Variants in CSTPP1 observed in about 807,000 individuals in gnomAD.
CSTPP1 encodes UPF0705 protein C11orf49.
the CSTPP1 span, among the ~76,000 whole-genome samples, chr11:46,955,476 G>A: frequency 6.7e-6 from 1 of 150,058 alleles, no homozygotes; most frequent in Non-Finnish European, 1.5e-5. Context: ...CGATTCCCCC[G>A]CCTCAGCCTC....
At chr11:46,950,341 T>C in the CSTPP1 span, among the ~76,000 whole-genome samples, 2 of 151,258 alleles carry the variant, frequency 1.3e-5, no homozygotes, top group South Asian at 4.2e-4. Context: ...GCCCAGCTAA[T>C]TTTTTGTATT....
the CSTPP1 span, among the ~76,000 whole-genome samples, chr11:47,033,835 C>T: frequency 2.0e-5 from 3 of 152,066 alleles, no homozygotes; most frequent in African/African-American, 7.2e-5. Context: ...TCCTTATAAC[C>T]CCCTGACTTA....
At chr11:47,157,129 T>A in the CSTPP1 span, 1 of 1,614,078 alleles carries the variant, frequency 6.2e-7, no homozygotes, top group Non-Finnish European at 8.5e-7. Context: ...GCCAACGACC[T>A]GCCTTGGGCG....
chr11:47,160,523 A>C, the CSTPP1 span: 1 of 153,176 alleles, frequency 6.5e-6, no homozygotes, highest in African/African-American at 2.4e-5. Flanking sequence ...AGAGGGTTCT[A>C]TGAGATGTAC....
At chr11:47,086,232 TCCAAAAAAAAAAA>T in the CSTPP1 span, among the ~76,000 whole-genome samples, 1 of 31,768 alleles carries the variant, frequency 3.1e-5, no homozygotes, top group Non-Finnish European at 6.7e-5. Flanking sequence ...CTACTAAAAA[TCCAAAAAAAAAAA>T]AAAAAAAAAA....
the CSTPP1 span, among the ~76,000 whole-genome samples, chr11:47,001,343 A>T: frequency 2.6e-5 from 4 of 152,204 alleles, no homozygotes; most frequent in Non-Finnish European, 5.9e-5. Context: ...CATAGTATAA[A>T]TATGGAGATG....
the CSTPP1 span, among the ~76,000 whole-genome samples, chr11:47,148,004 G>A: frequency 0.081 from 12,343 of 152,114 alleles, 509 homozygotes; most frequent in Non-Finnish European, 0.09. Flanking sequence ...CTGGAGGTGC[G>A]GGCTGGAGCT....
the CSTPP1 span, among the ~76,000 whole-genome samples, chr11:46,969,207 C>T: frequency 6.6e-6 from 1 of 152,156 alleles, no homozygotes; most frequent in Non-Finnish European, 1.5e-5. Flanking sequence ...TCTTTCTCTT[C>T]TGTCCTTATG....
At chr11:47,042,504 G>A in the CSTPP1 span, among the ~76,000 whole-genome samples, 3 of 151,968 alleles carry the variant, frequency 2.0e-5, no homozygotes, top group Non-Finnish European at 4.4e-5. Flanking sequence ...GTGAGTGAGA[G>A]TAAATGTAGC....
At chr11:47,160,938 G>C in the CSTPP1 span, 3 of 679,956 alleles carry the variant, frequency 4.4e-6, no homozygotes, top group South Asian at 5.7e-5. Flanking sequence ...TTCAATAAAT[G>C]TATCAAGCAA....
the CSTPP1 span, among the ~76,000 whole-genome samples, chr11:47,096,738 AATAAGT>A: frequency 6.6e-6 from 1 of 152,154 alleles, no homozygotes; most frequent in Non-Finnish European, 1.5e-5. Flanking sequence ...CATGAAAATT[AATAAGT>A]ATGTTTCTGA....
At chr11:47,152,330 G>A in the CSTPP1 span, among the ~76,000 whole-genome samples, 2 of 152,070 alleles carry the variant, frequency 1.3e-5, no homozygotes, top group African/African-American at 2.4e-5. Flanking sequence ...ACCCTCCCAC[G>A]GTGTGCGCCC....
At chr11:47,064,108 G>T in the CSTPP1 span, among the ~76,000 whole-genome samples, 1 of 152,050 alleles carries the variant, frequency 6.6e-6, no homozygotes, top group South Asian at 2.1e-4. Context: ...ATGCTTATTA[G>T]CCATTTTATA....
the CSTPP1 span, among the ~76,000 whole-genome samples, chr11:47,112,778 T>C: frequency 6.6e-6 from 1 of 152,224 alleles, no homozygotes; most frequent in Non-Finnish European, 1.5e-5. Context: ...ATCTATTAAG[T>C]CAGTGAACTT....
At chr11:47,027,263 C>T in the CSTPP1 span, among the ~76,000 whole-genome samples, 1 of 152,108 alleles carries the variant, frequency 6.6e-6, no homozygotes, top group Non-Finnish European at 1.5e-5. Flanking sequence ...TGCGAGTTTA[C>T]CATAGCATGC....
chr11:47,045,074 C>T, the CSTPP1 span, among the ~76,000 whole-genome samples: 1 of 152,174 alleles, frequency 6.6e-6, no homozygotes, highest in African/African-American at 2.4e-5. Context: ...GAATGATTAA[C>T]TCCAAAGGAA....
At chr11:47,103,189 G>A in the CSTPP1 span, among the ~76,000 whole-genome samples, 4 of 151,988 alleles carry the variant, frequency 2.6e-5, no homozygotes, top group Non-Finnish European at 4.4e-5. Flanking sequence ...CTTGAGCCCT[G>A]GAGTTCAAGA....
At chr11:47,124,114 C>CT in the CSTPP1 span, among the ~76,000 whole-genome samples, 37,859 of 61,640 alleles carry the variant, frequency 0.61, 16,962 homozygotes, top group Non-Finnish European at 0.63. Flanking sequence ...AATGGTCTTA[C>CT]TTTTTTTTTT....
At chr11:46,992,246 T>C in the CSTPP1 span, among the ~76,000 whole-genome samples, 4 of 151,988 alleles carry the variant, frequency 2.6e-5, no homozygotes, top group African/African-American at 9.7e-5. Flanking sequence ...TTTATTATTA[T>C]TTTTTATTAT....
Sources: allele counts gnomAD v4.1 joint callset (sites outside exome capture counted in the v4.1 genomes callset), GRCh38; gene constraint gnomAD v4.1.1; transcripts MANE v1.5; gene names NCBI Gene and HGNC (gene_info 2026-07-23, HGNC 2026-07-21).